The following CD48 variants were observed in gnomAD, a reference collection of about 807,000 sequenced individuals.
The protein encoded by CD48 is CD48 antigen.
CD48 carries 20 observed loss-of-function variants against 22.0 expected under a neutral mutation model. The ratio of observed to expected loss-of-function variants is 0.91; its 90% CI spans 0.64 to 1.32. The LOEUF (loss-of-function observed/expected upper bound fraction) is 1.32, where lower values mean the gene tolerates loss of function less well. CD48 is among the 40% of genes most tolerant of loss of function. The probability of loss-of-function intolerance (pLI) is 0.00; values close to 1 mark genes in which losing one functional copy is unlikely to be tolerated. For missense variants in CD48, 307 were observed against 286.5 expected (o/e 1.07, Z -0.52); for synonymous variants, 110 against 110.1 (o/e 1.00, Z 0.01).
chr1:160,681,544 AG>A (rs1378857374), intron 2 of CD48, 76 bp from the exon 3 acceptor site: 9 of 1,545,338 alleles, frequency 5.8e-6, no homozygotes, highest in Non-Finnish European at 7.9e-6. Flanking sequence ...CAAAGAACAA[AG>A]GGATCCAGGG....
At chr1:160,680,953 G>C (rs1301639856) in intron 3 of CD48, 8 of 1,436,228 alleles carry the variant, frequency 5.6e-6, no homozygotes, top group African/African-American at 2.9e-5. Context: ...AGAGGGAAGA[G>C]GAGTATCAGA....
At chr1:160,693,078 C>T (rs1409204309) in intron 1 of CD48, among the ~76,000 whole-genome samples, 10 of 152,266 alleles carry the variant, frequency 6.6e-5, no homozygotes, top group Admixed American at 5.9e-4. Context: ...CTATTAGGAA[C>T]AGGTCAAAAT....
chr1:160,690,442 C>T (rs1662168841), intron 1 of CD48, among the ~76,000 whole-genome samples: 1 of 152,168 alleles, frequency 6.6e-6, no homozygotes, highest in Admixed American at 6.5e-5. Flanking sequence ...AGTACGAAGA[C>T]CTGGCACTGA....
chr1:160,680,597 G>A, intron 3 of CD48: 2 of 1,001,212 alleles, frequency 2.0e-6, no homozygotes, highest in Non-Finnish European at 2.4e-6. Context: ...AGAGCCAGGT[G>A]TGACACTCAT....
chr1:160,693,929 G>T (rs377253927), intron 1 of CD48, among the ~76,000 whole-genome samples: 1 of 150,334 alleles, frequency 6.7e-6, no homozygotes, highest in Non-Finnish European at 1.5e-5. Flanking sequence ...ATTGTCCCCC[G>T]CCACAAGTGG....
At chr1:160,682,787 T>C (rs895537763) in intron 2 of CD48, among the ~76,000 whole-genome samples, 7 of 152,234 alleles carry the variant, frequency 4.6e-5, no homozygotes, top group African/African-American at 1.7e-4. Flanking sequence ...TTATTACTGT[T>C]GTACTGCTGC....
chr1:160,689,468 A>G (rs926617850), intron 1 of CD48, among the ~76,000 whole-genome samples: 18 of 152,246 alleles, frequency 1.2e-4, no homozygotes, highest in Non-Finnish European at 2.6e-4. Context: ...CATTAAATAA[A>G]ACCTAGTGTA....
intron 1 of CD48, among the ~76,000 whole-genome samples, chr1:160,703,421 G>A (rs1011697519): frequency 1.3e-5 from 2 of 152,168 alleles, no homozygotes; most frequent in South Asian, 2.1e-4. Context: ...GACCCGAAAC[G>A]ACAGGAGGGT....
chr1:160,693,365 C>T (rs1662297755), intron 1 of CD48, among the ~76,000 whole-genome samples: 1 of 152,188 alleles, frequency 6.6e-6, no homozygotes, highest in African/African-American at 2.4e-5. Context: ...AGCCATTAAG[C>T]CATTAAAAGG....
chr1:160,679,172 T>A, intron 3 of CD48, 41 bp from the exon 4 acceptor site: 1 of 1,512,774 alleles, frequency 6.6e-7, no homozygotes, highest in Non-Finnish European at 9.2e-7. Flanking sequence ...GGTATCTTTA[T>A]CTTGACTAAT....
chr1:160,701,133 G>A (rs1662615652), intron 1 of CD48, among the ~76,000 whole-genome samples: 1 of 150,754 alleles, frequency 6.6e-6, no homozygotes, highest in Non-Finnish European at 1.5e-5. Context: ...AGATGGTACA[G>A]TAAAAGCAAA....
At chr1:160,706,235 G>A (rs11580216) in intron 1 of CD48, among the ~76,000 whole-genome samples, 40,507 of 151,852 alleles carry the variant, frequency 0.27, 6,211 homozygotes, top group Non-Finnish European at 0.36. Flanking sequence ...CCACCACGCC[G>A]GGCTAATTTT....
At chr1:160,688,241 C>A (rs1400470691) in intron 1 of CD48, among the ~76,000 whole-genome samples, 1 of 152,136 alleles carries the variant, frequency 6.6e-6, no homozygotes, top group Non-Finnish European at 1.5e-5. Context: ...ATTGCAGTGA[C>A]TGTAATTAGG....
At chr1:160,681,176 C>A (rs187213919) in intron 3 of CD48, 26 bp downstream of exon 3, 5 of 1,614,076 alleles carry the variant, frequency 3.1e-6, no homozygotes, top group South Asian at 1.1e-5. Context: ...CCTGTGCCCC[C>A]CTCAGCTCCC....
intron 1 of CD48, among the ~76,000 whole-genome samples, chr1:160,691,274 G>A (rs1452872160): frequency 1.3e-5 from 2 of 152,114 alleles, no homozygotes; most frequent in African/African-American, 2.4e-5. Flanking sequence ...CAAGAGGAAG[G>A]CATCTGTTTC....
chr1:160,688,909 G>A (rs1016638936), intron 1 of CD48, among the ~76,000 whole-genome samples: 1 of 152,176 alleles, frequency 6.6e-6, no homozygotes, highest in African/African-American at 2.4e-5. Context: ...TTGGTGCCCA[G>A]TCTATTACTA....
intron 3 of CD48, chr1:160,680,756 C>G (rs1274507034): frequency 4.9e-5 from 52 of 1,061,758 alleles, no homozygotes; most frequent in Non-Finnish European, 5.6e-5. Context: ...CCCTCTTTCC[C>G]TGGCTGACTT....
intron 1 of CD48, among the ~76,000 whole-genome samples, chr1:160,689,412 C>T (rs1030248282): frequency 6.6e-6 from 1 of 152,092 alleles, no homozygotes; most frequent in East Asian, 1.9e-4. Flanking sequence ...GCAGGTAAAT[C>T]AGTGTGAGAG....
chr1:160,711,741 G>A lies in CD48; in HGVS notation c.23C>T (p.Ser8Leu), dbSNP rs34237772. ...CAGTAGCAATTCCAGAGCCAGACAC[G>A]AATCCCAACCTCTGGAGCACATGCT... MCSRGWDSCLALELLLLP... is the reference protein window; with the variant it reads MCSRGWDLCLALELLLLP... The change falls in exon 1 of 4, where the codon TCG (serine) becomes TTG (leucine). Residue 8 changes from serine (S) to leucine (L), a missense_variant. Physicochemically the swap from Ser to Leu is moderately radical, Grantham distance 145. Transcript: ENST00000368046. The A allele has an allele frequency of 4.0e-4, 650 of 1,613,350 alleles. 2 individuals are homozygous for A. The African/African-American group carries it at 7.4e-3, about 18-fold the overall frequency.
Sources: allele counts gnomAD v4.1 joint callset (sites outside exome capture counted in the v4.1 genomes callset), GRCh38; gene constraint gnomAD v4.1.1; transcripts MANE v1.5; gene names NCBI Gene and HGNC (gene_info 2026-07-23, HGNC 2026-07-21).